ASAP2: variants seen among roughly 807,000 people sequenced by gnomAD.
The protein encoded by ASAP2 is ArfGAP with SH3 domain, ankyrin repeat and PH domain 2.
Under a neutral mutation model 131.4 loss-of-function variants are expected in ASAP2, and 45 were observed. That is an observed-to-expected ratio of 0.34 (90% CI 0.27 to 0.44). ASAP2 has a LOEUF of 0.44. ASAP2 is among the 20% of genes least tolerant of loss of function. The pLI is 1.00. For missense variants in ASAP2, 1,011 were observed against 1,297.0 expected (o/e 0.78, Z 3.39); for synonymous variants, 510 against 503.0 (o/e 1.01, Z -0.19).
In ASAP2 at chr2:9,207,166, C is replaced by T; in HGVS notation, c.62C>T (p.Pro21Leu). The change falls in exon 1 of 28, where the codon CCC (proline) becomes CTC (leucine). Residue 21 changes from proline to leucine, a missense_variant. Coordinates refer to ENST00000281419, the MANE Select transcript of ASAP2 (RefSeq NM_003887.3). The surrounding 1 kb of genome is among the most constrained non-coding windows in gnomAD (Gnocchi z 4.1). ...GAGACCCATGAGGACTACAAGGCGC[C>T]CACGGCCTCCAGCTTCACCACCCGC... Reference protein sequence around the residue: ...VAETHEDYKAPTASSFTTRTA... With the variant: ...VAETHEDYKALTASSFTTRTA... 1 of 1,605,968 alleles carries T rather than the reference C, an allele frequency of 6.2e-7. No homozygotes were observed. The highest frequency in any genetic ancestry group is 8.5e-7 in the Non-Finnish European group (1 of 1,176,786).
At chr2:9,245,550 T>C (rs1664280062) in intron 1 of ASAP2, among the ~76,000 whole-genome samples, 1 of 152,232 alleles carries the variant, frequency 6.6e-6, no homozygotes, top group African/African-American at 2.4e-5. Context: ...TGGTGTGTGT[T>C]GCTCGAATAT....
At chr2:9,382,248 T>A (rs1355360369) in intron 20 of ASAP2, among the ~76,000 whole-genome samples, 1 of 152,168 alleles carries the variant, frequency 6.6e-6, no homozygotes, top group Non-Finnish European at 1.5e-5. Context: ...CCTCCCAAAG[T>A]GCTGGGATTA....
At chr2:9,381,468 T>C (rs1227232882) in intron 20 of ASAP2, among the ~76,000 whole-genome samples, 1 of 152,252 alleles carries the variant, frequency 6.6e-6, no homozygotes, top group Admixed American at 6.5e-5. Context: ...GCACAGTGAC[T>C]CACGCCTTGT....
intron 9 of ASAP2, among the ~76,000 whole-genome samples, chr2:9,341,581 C>A (rs1024299761): frequency 6.6e-6 from 1 of 152,148 alleles, no homozygotes; most frequent in Non-Finnish European, 1.5e-5. Flanking sequence ...CATGATTTCA[C>A]CACTTACTTT....
At chr2:9,259,249 A>G (rs559773657) in intron 1 of ASAP2, among the ~76,000 whole-genome samples, 13 of 152,336 alleles carry the variant, frequency 8.5e-5, no homozygotes, top group African/African-American at 3.1e-4. Flanking sequence ...TTCCTTGGGG[A>G]GAAACATTCA....
intron 1 of ASAP2, among the ~76,000 whole-genome samples, chr2:9,266,500 C>T (rs1665959704): frequency 6.6e-6 from 1 of 152,106 alleles, no homozygotes; most frequent in South Asian, 2.1e-4. Context: ...CAGTGCTGTT[C>T]CTGTGCGGGT....
intron 1 of ASAP2, among the ~76,000 whole-genome samples, chr2:9,210,807 C>T (rs1039969001): frequency 2.4e-4 from 36 of 151,946 alleles, no homozygotes; most frequent in African/African-American, 7.2e-4. Context: ...GTGATCCGCC[C>T]GCCTTGGCCT....
At chr2:9,375,101 C>A (rs528707609) in intron 17 of ASAP2, among the ~76,000 whole-genome samples, 157 bp downstream of exon 17, 87 of 132,070 alleles carry the variant, frequency 6.6e-4, no homozygotes, top group African/African-American at 2.7e-3. Flanking sequence ...GAGGCCCCAT[C>A]TCTACAAAAA....
intron 15 of ASAP2, among the ~76,000 whole-genome samples, chr2:9,361,917 A>G (rs1350684172): frequency 4.6e-5 from 7 of 151,686 alleles, no homozygotes; most frequent in Non-Finnish European, 8.8e-5. Flanking sequence ...ACAATCAGGT[A>G]CTGGGATGAA....
At chr2:9,347,998 C>T (rs1672080544) in intron 11 of ASAP2, among the ~76,000 whole-genome samples, 1 of 152,222 alleles carries the variant, frequency 6.6e-6, no homozygotes, top group Non-Finnish European at 1.5e-5. Context: ...TTTACCATTC[C>T]TTCCCAAGTT....
chr2:9,340,658 A>G (rs1215849812), intron 9 of ASAP2, among the ~76,000 whole-genome samples: 1 of 151,902 alleles, frequency 6.6e-6, no homozygotes, highest in Non-Finnish European at 1.5e-5. Flanking sequence ...TCCAAAAATG[A>G]CTCCTCGACA....
At chr2:9,384,499 ACAC>A (rs1675107622) in intron 20 of ASAP2, among the ~76,000 whole-genome samples, 2 of 152,210 alleles carry the variant, frequency 1.3e-5, no homozygotes, top group Admixed American at 6.5e-5. Flanking sequence ...TCCACCCCAG[ACAC>A]CAGTCACAAA....
At chr2:9,213,096 C>T (rs995489826) in intron 1 of ASAP2, among the ~76,000 whole-genome samples, 4 of 152,158 alleles carry the variant, frequency 2.6e-5, no homozygotes, top group African/African-American at 4.8e-5. Context: ...GCAGTTGATA[C>T]GTGCTGTAAA....
At position 9,405,276 on chromosome 2, in the gene ASAP2, T is replaced by TA. The variant is rs1677121684; in HGVS notation, c.*1955dup. The TA allele has an allele frequency of 6.6e-6, 1 of 152,286 alleles. No individual in the cohort carries two copies. Among genetic ancestry groups the TA allele is most frequent in the Non-Finnish European group, 1.5e-5 (1 of 68,042 alleles). 9.4% of individuals were successfully genotyped at this position (152,286 alleles called of 1,614,324 possible). ...TCTTAGTTATTTGCTCCTTGCAAAT[T>TA]AAAAAAGCAACTAAGAGAAAGAAAA... is the stretch of plus-strand genomic sequence containing the variant. On this transcript the variant is annotated 3_prime_UTR_variant, in exon 28 of 28. Coordinates refer to ENST00000281419, the MANE Select transcript of ASAP2 (RefSeq NM_003887.3).
At chr2:9,256,022 CT>C (rs1197956797) in intron 1 of ASAP2, among the ~76,000 whole-genome samples, 1 of 152,080 alleles carries the variant, frequency 6.6e-6, no homozygotes, top group Admixed American at 6.6e-5. Context: ...TTTTAATGCC[CT>C]GTTTTGATGA....
chr2:9,249,191 G>T (rs1462694039), intron 1 of ASAP2, among the ~76,000 whole-genome samples: 1 of 152,166 alleles, frequency 6.6e-6, no homozygotes, highest in East Asian at 1.9e-4. Flanking sequence ...TCTTTCCTCT[G>T]TCAGACAGCA....
intron 12 of ASAP2, among the ~76,000 whole-genome samples, chr2:9,351,889 G>A (rs1672359218): frequency 6.6e-6 from 1 of 152,110 alleles, no homozygotes; most frequent in South Asian, 2.1e-4. Flanking sequence ...ATGTGCAGAG[G>A]GTTCCAGTAC....
intron 1 of ASAP2, chr2:9,271,173 A>C: frequency 1.9e-6 from 1 of 522,564 alleles, no homozygotes; most frequent in South Asian, 3.4e-5. Context: ...GCGGACCCCA[A>C]ATGGTTACAT....
chr2:9,225,208 G>C (rs1662675859), intron 1 of ASAP2, among the ~76,000 whole-genome samples: 1 of 152,214 alleles, frequency 6.6e-6, no homozygotes, highest in Non-Finnish European at 1.5e-5. Flanking sequence ...TTTATCATCT[G>C]CTCCTTTATA....
Sources: allele counts gnomAD v4.1 joint callset (sites outside exome capture counted in the v4.1 genomes callset), GRCh38; gene constraint gnomAD v4.1.1; non-coding constraint Gnocchi (gnomAD v3.1); transcripts MANE v1.5; gene names NCBI Gene and HGNC (gene_info 2026-07-23, HGNC 2026-07-21).